The following TRIP12 variants were observed in gnomAD, a reference collection of about 807,000 sequenced individuals.
The protein encoded by TRIP12 is thyroid hormone receptor interactor 12, also known as E3 ubiquitin-protein ligase TRIP12.
A neutral mutation model predicts 244.2 loss-of-function variants in TRIP12; 25 were observed. The observed-to-expected ratio is 0.10, with a 90% CI of 0.07 to 0.14. TRIP12 has a LOEUF of 0.14. TRIP12 is among the 10% of genes least tolerant of loss of function. TRIP12 has a pLI of 1.00. For synonymous variants in TRIP12, 905 were observed against 873.1 expected (o/e 1.04, Z -0.64); for missense variants, 1,677 against 2,486.4 (o/e 0.67, Z 6.92).
chr2:229,877,340 G>A (rs2063784230), intron 2 of TRIP12, among the ~76,000 whole-genome samples: 1 of 151,922 alleles, frequency 6.6e-6, no homozygotes, highest in African/African-American at 2.4e-5. Flanking sequence ...GACCAGCCTG[G>A]CCAAGATGGT....
At position 229,912,630 on chromosome 2, in the gene TRIP12, C is replaced by G. The variant is rs559288339; in HGVS notation, c.-50+9250G>C. Among the ~76,000 whole-genome samples, 3 of 152,256 alleles carry G rather than the reference C, an allele frequency of 2.0e-5. 1 individual carries two copies. The South Asian group carries it at 6.2e-4, about 32-fold the overall frequency. ...CATAGTCTTCCTAAGTAACTTCAAC[C>G]CAGAACTGAACCTCTCTAAACTTCC... On this transcript the variant is annotated intron_variant, in intron 1 of 41. Coordinates refer to ENST00000675903, the MANE Select transcript of TRIP12 (RefSeq NM_001348323.3).
chr2:229,793,190 T>A, intron 26 of TRIP12, 45 bp from the exon 27 acceptor site: 1 of 1,566,122 alleles, frequency 6.4e-7, no homozygotes, highest in Non-Finnish European at 8.7e-7. Flanking sequence ...TATTTTCACA[T>A]TTAATATACA....
intron 2 of TRIP12, among the ~76,000 whole-genome samples, chr2:229,871,119 A>C (rs1218894888): frequency 6.9e-6 from 1 of 145,052 alleles, no homozygotes; most frequent in African/African-American, 2.5e-5. Context: ...GGTTGCAGTG[A>C]GTCAAGGTCA....
chr2:229,841,077 T>A, intron 4 of TRIP12, 150 bp from the exon 5 acceptor site: 1 of 613,728 alleles, frequency 1.6e-6, no homozygotes, highest in Non-Finnish European at 2.8e-6. Flanking sequence ...TTCCACAGCC[T>A]ATTCATAATG....
chr2:229,907,508 A>G (rs2073155441), intron 1 of TRIP12, among the ~76,000 whole-genome samples: 1 of 152,216 alleles, frequency 6.6e-6, no homozygotes, highest in Non-Finnish European at 1.5e-5. Flanking sequence ...AAGGAAAATA[A>G]AAACACTGTC....
At chr2:229,828,301 T>C (rs1384547405) in intron 8 of TRIP12, among the ~76,000 whole-genome samples, 1 of 152,046 alleles carries the variant, frequency 6.6e-6, no homozygotes, top group African/African-American at 2.4e-5. Context: ...TTCAGATACT[T>C]TAAAATCAAT....
chr2:229,835,462 G>C (rs1379322189), intron 6 of TRIP12, among the ~76,000 whole-genome samples: 1 of 152,136 alleles, frequency 6.6e-6, no homozygotes, highest in Non-Finnish European at 1.5e-5. Flanking sequence ...TCTTGTAACT[G>C]CATTAGACAA....
At chr2:229,886,197 G>A (rs73998704) in intron 1 of TRIP12, among the ~76,000 whole-genome samples, 2,275 of 152,226 alleles carry the variant, frequency 0.015, 51 homozygotes, top group African/African-American at 0.052. Context: ...AAACTCTTAA[G>A]TAGCCATATG....
intron 13 of TRIP12, among the ~76,000 whole-genome samples, chr2:229,813,262 A>G (rs775015497): frequency 6.6e-6 from 1 of 152,212 alleles, no homozygotes; most frequent in Non-Finnish European, 1.5e-5. Context: ...GGAACTTCTG[A>G]TCATATCACA....
chr2:229,836,019 CAAG>C lies in TRIP12; in HGVS notation c.1270+826_1270+828del, dbSNP rs527445976. ...GAAAAAAATCCTAAGCTAGAAAAAA[CAAG>C]AAGACATCAATAGCGGGTAAACCAC... On this transcript the variant is annotated intron_variant, in intron 6 of 41. Coordinates refer to ENST00000675903, the MANE Select transcript of TRIP12 (RefSeq NM_001348323.3). 4.4e-3 allele frequency among the ~76,000 whole-genome samples: 675 copies of C among 152,196 alleles called. 6 individuals are homozygous for C. The highest frequency in any genetic ancestry group is 0.016 in the African/African-American group (655 of 41,532).
chr2:229,914,395 C>T (rs372594808), intron 1 of TRIP12, among the ~76,000 whole-genome samples: 1 of 152,196 alleles, frequency 6.6e-6, no homozygotes, highest in East Asian at 1.9e-4. Context: ...GAGAAGTTGA[C>T]AGCATTTGCA....
intron 17 of TRIP12, 108 bp from the exon 18 acceptor site, chr2:229,805,991 G>C: frequency 2.3e-6 from 2 of 852,856 alleles, no homozygotes; most frequent in Non-Finnish European, 3.4e-6. Context: ...TATTTCAACA[G>C]GTTTTAGATG....
intron 8 of TRIP12, among the ~76,000 whole-genome samples, chr2:229,822,373 C>T (rs1182933864): frequency 6.6e-6 from 1 of 152,178 alleles, no homozygotes; most frequent in Non-Finnish European, 1.5e-5. Flanking sequence ...CATTTTGAGA[C>T]TGCTCAACTA....
chr2:229,904,477 G>A (rs548293818), intron 1 of TRIP12, among the ~76,000 whole-genome samples: 19 of 151,088 alleles, frequency 1.3e-4, no homozygotes, highest in African/African-American at 4.4e-4. Flanking sequence ...TAACAATTAT[G>A]GTTAAGTAAA....
chr2:229,871,503 T>C (rs2154346598), intron 2 of TRIP12, among the ~76,000 whole-genome samples: 1 of 152,214 alleles, frequency 6.6e-6, no homozygotes, highest in South Asian at 2.1e-4. Context: ...TGTTTACAAG[T>C]GTGTGCCTGC....
At chr2:229,773,203 G>A (rs2154237844) in intron 38 of TRIP12, among the ~76,000 whole-genome samples, 1 of 151,802 alleles carries the variant, frequency 6.6e-6, no homozygotes, top group East Asian at 1.9e-4. Context: ...AGCCTCCTCA[G>A]TAACTGGGAC....
chr2:229,769,399 GTGTACC>G, intron 39 of TRIP12, 74 bp from the exon 40 acceptor site: 1 of 1,380,666 alleles, frequency 7.2e-7, no homozygotes, highest in Non-Finnish European at 1.0e-6. Flanking sequence ...AAAGGTCTAC[GTGTACC>G]ATAAAAGAGT....
At chr2:229,876,242 C>G (rs1428686863) in intron 2 of TRIP12, among the ~76,000 whole-genome samples, 1 of 152,146 alleles carries the variant, frequency 6.6e-6, no homozygotes, top group African/African-American at 2.4e-5. Context: ...TGCCACTGCA[C>G]TCCAGCCTGT....
intron 15 of TRIP12, among the ~76,000 whole-genome samples, 195 bp from the exon 16 acceptor site, chr2:229,808,564 CTCTT>C (rs995458517): frequency 2.0e-5 from 3 of 152,134 alleles, no homozygotes; most frequent in African/African-American, 2.4e-5. Context: ...TTTTAACAAT[CTCTT>C]TCTGGAGACT....
Sources: gnomAD v4.1 joint callset for allele counts (sites outside exome capture counted in the v4.1 genomes callset) on GRCh38, gnomAD v4.1.1 for gene constraint, MANE v1.5 for transcripts, NCBI Gene and HGNC (gene_info 2026-07-23, HGNC 2026-07-21) for gene names.